GRIK4: variants seen among roughly 807,000 people sequenced by gnomAD.
GRIK4 encodes the protein glutamate ionotropic receptor kainate type subunit 4, also known as glutamate receptor ionotropic, kainate 4.
Under a neutral mutation model 104.9 loss-of-function variants are expected in GRIK4, and 40 were observed. That is an observed-to-expected ratio of 0.38 (90% confidence interval 0.30 to 0.50). The LOEUF (loss-of-function observed/expected upper bound fraction) is 0.50. Ranked by LOEUF, GRIK4 falls within the 20% of genes least tolerant of loss-of-function variation. GRIK4 has a pLI of 0.93. For missense variants in GRIK4, 1,047 were observed against 1,308.1 expected, an observed-to-expected ratio of 0.80 and a Z score of 3.08; for synonymous variants, 485 against 524.9, an observed-to-expected ratio of 0.92 and a Z score of 1.04.
chr11:120,622,963 T>C (rs1023409638), intron 1 of GRIK4, among the ~76,000 whole-genome samples: 2 of 152,232 alleles, frequency 1.3e-5, no homozygotes, highest in African/African-American at 4.8e-5. Flanking sequence ...CAAGGTAACA[T>C]CCAGAGGTTC....
In GRIK4 at chr11:120,988,355, C is replaced by G. The variant is rs1944790830; in HGVS notation, c.*2095C>G. 6.6e-6 allele frequency: 1 copy of G among 152,168 alleles called. No individual in the cohort carries two copies. Among genetic ancestry groups the G allele is most frequent in the Non-Finnish European group, 1.5e-5 (1 of 68,038 alleles). 9.4% of individuals were successfully genotyped at this position (152,168 alleles called of 1,614,324 possible). A position where few individuals can be genotyped will look rare whatever the true frequency, so the allele number is the denominator to read the frequency against. The stretch of plus-strand genomic sequence containing the variant: ...TGCCACTCTGCTCCAACCTGCAGCT[C>G]CATCCTATGCTTCTCACAGACAACG... On this transcript the variant is annotated 3_prime_UTR_variant, in exon 21 of 21. Coordinates refer to ENST00000527524, the MANE Select transcript of GRIK4 (RefSeq NM_014619.5).
At chr11:120,714,758 A>G (rs1316319480) in intron 3 of GRIK4, among the ~76,000 whole-genome samples, 1 of 152,190 alleles carries the variant, frequency 6.6e-6, no homozygotes, top group East Asian at 1.9e-4. Flanking sequence ...CTGAGTCAAG[A>G]GAGAATATGA....
chr11:120,978,867 C>T (rs1944605185), intron 19 of GRIK4, among the ~76,000 whole-genome samples: 1 of 152,062 alleles, frequency 6.6e-6, no homozygotes, highest in Non-Finnish European at 1.5e-5. Context: ...TATAAAAAGC[C>T]AAGATGGGAG....
Position 120,722,846 on chromosome 11 carries a change from T to C in GRIK4, c.82+62446T>C, listed in dbSNP as rs184690634. On this transcript the variant is annotated intron_variant, in intron 3 of 20. Transcript: ENST00000527524. ...TACTGTTCTTTCTATAAAGAAGTGG[T>C]GAAGGGCAGTCTGTGCTGGGGCCTT... is the stretch of plus-strand genomic sequence containing the variant. Among the ~76,000 whole-genome samples, 224 of 152,312 alleles carry C rather than the reference T, an allele frequency of 1.5e-3. 1 individual carries two copies. The highest frequency in any genetic ancestry group is 5.0e-3 in the African/African-American group (208 of 41,564).
At chr11:120,739,449 A>G (rs1951288014) in intron 3 of GRIK4, among the ~76,000 whole-genome samples, 1 of 152,142 alleles carries the variant, frequency 6.6e-6, no homozygotes, top group Admixed American at 6.5e-5. Context: ...GCCTTGCTTC[A>G]TGGACCAGAG....
intron 1 of GRIK4, among the ~76,000 whole-genome samples, chr11:120,519,682 G>T (rs1565535929): frequency 6.6e-6 from 1 of 152,124 alleles, no homozygotes; most frequent in Non-Finnish European, 1.5e-5. Context: ...TGATTCATTA[G>T]CCCAAAGTCC....
intron 13 of GRIK4, among the ~76,000 whole-genome samples, chr11:120,911,279 C>T (rs1272204755): frequency 6.7e-6 from 1 of 149,796 alleles, no homozygotes; most frequent in African/African-American, 2.5e-5. Context: ...CACTCTGTCA[C>T]CCAGGCTGGA....
chr11:120,888,935 G>T (rs1384056458), intron 11 of GRIK4, among the ~76,000 whole-genome samples: 1 of 152,212 alleles, frequency 6.6e-6, no homozygotes, highest in Admixed American at 6.5e-5. Context: ...ATAAAGCCCA[G>T]TTAGAGTTCC....
intron 1 of GRIK4, among the ~76,000 whole-genome samples, chr11:120,512,174 C>T (rs1947668819): frequency 6.6e-6 from 1 of 151,816 alleles, no homozygotes; most frequent in African/African-American, 2.4e-5. Context: ...CAGTCTTCAC[C>T]CCGGTCCGTC....
chr11:120,729,869 T>A (rs1951098866), intron 3 of GRIK4, among the ~76,000 whole-genome samples: 1 of 152,204 alleles, frequency 6.6e-6, no homozygotes, highest in Non-Finnish European at 1.5e-5. Flanking sequence ...TTCTCCAGTG[T>A]TTTCTTGTAG....
At chr11:120,855,066 G>A (rs1467604784) in intron 8 of GRIK4, among the ~76,000 whole-genome samples, 2 of 152,202 alleles carry the variant, frequency 1.3e-5, no homozygotes, top group East Asian at 3.9e-4. Flanking sequence ...ACAGCAGTGA[G>A]TGAGACAGTC....
Position 120,986,414 on chromosome 11 carries a change from C to T in GRIK4, c.*154C>T, listed in dbSNP as rs962810517. On this transcript the variant is annotated 3_prime_UTR_variant, in exon 21 of 21. Transcript: ENST00000527524. ...TTTTCAAAAAGATCAAGGAGCCTGA[C>T]GCCCCAGCCAGAGACCGCGCCCGGT... 3 of 1,084,618 alleles carry T rather than the reference C, an allele frequency of 2.8e-6. No homozygotes were observed. The highest frequency in any genetic ancestry group is 6.5e-5 in the East Asian group (2 of 30,976). 67.2% of individuals were successfully genotyped at this position (1,084,618 alleles called of 1,614,324 possible).
At chr11:120,763,638 G>A (rs146882487) in intron 3 of GRIK4, among the ~76,000 whole-genome samples, 216 of 152,228 alleles carry the variant, frequency 1.4e-3, no homozygotes, top group African/African-American at 3.9e-3. Flanking sequence ...ATTCTGGTAC[G>A]TTGTGTCTTT....
chr11:120,558,004 C>T (rs988635148), intron 1 of GRIK4, among the ~76,000 whole-genome samples: 30 of 120,698 alleles, frequency 2.5e-4, no homozygotes, highest in South Asian at 2.0e-3. Context: ...GGCGACAGAG[C>T]GAGACTCCGT....
intron 3 of GRIK4, among the ~76,000 whole-genome samples, chr11:120,705,759 C>T (rs2135342948): frequency 6.6e-6 from 1 of 152,182 alleles, no homozygotes; most frequent in East Asian, 1.9e-4. Flanking sequence ...GTATTTTGTT[C>T]TTTTTAACGC....
At chr11:120,543,804 C>T (rs1208544475) in intron 1 of GRIK4, among the ~76,000 whole-genome samples, 1 of 152,120 alleles carries the variant, frequency 6.6e-6, no homozygotes, top group Non-Finnish European at 1.5e-5. Context: ...ATTATTCAGC[C>T]TTAATAAAGA....
At chr11:120,844,812 A>G (rs1458308646) in intron 8 of GRIK4, among the ~76,000 whole-genome samples, 1 of 152,162 alleles carries the variant, frequency 6.6e-6, no homozygotes, top group African/African-American at 2.4e-5. Flanking sequence ...GATCCAAGAG[A>G]CACAATTTCA....
chr11:120,675,856 A>G (rs987716288), intron 3 of GRIK4, among the ~76,000 whole-genome samples: 10 of 152,346 alleles, frequency 6.6e-5, no homozygotes, highest in African/African-American at 2.4e-4. Flanking sequence ...TAGTTCTACC[A>G]TAATTATTAT....
chr11:120,948,367 T>C (rs55755735), intron 14 of GRIK4, among the ~76,000 whole-genome samples: 6 of 152,322 alleles, frequency 3.9e-5, no homozygotes, highest in Non-Finnish European at 8.8e-5. Context: ...GCTCGTATCA[T>C]GCATTTGTGT....
Sources: allele counts gnomAD v4.1 joint callset (sites outside exome capture counted in the v4.1 genomes callset), GRCh38; gene constraint gnomAD v4.1.1; transcripts MANE v1.5; gene names NCBI Gene and HGNC (gene_info 2026-07-23, HGNC 2026-07-21).